Variants in SHISA9 observed in about 807,000 individuals in gnomAD.
SHISA9 encodes the protein protein shisa-9.
Under a neutral mutation model 38.0 loss-of-function variants are expected in SHISA9, and 13 were observed. That is an observed-to-expected ratio of 0.34 (90% CI 0.22 to 0.54). SHISA9 has a LOEUF of 0.54. Among genes scored for constraint, SHISA9 ranks in the 20% least tolerant of loss-of-function variants. The pLI, the probability that SHISA9 is intolerant of heterozygous loss-of-function variation, is 0.91. For missense variants in SHISA9, 538 were observed against 575.8 expected (o/e 0.93, Z 0.67); for synonymous variants, 275 against 242.0 (o/e 1.14, Z -1.27).
intron 2 of SHISA9, among the ~76,000 whole-genome samples, chr16:13,078,455 G>C (rs1235116525): frequency 6.6e-6 from 1 of 151,560 alleles, no homozygotes; most frequent in South Asian, 2.1e-4. Context: ...ACCCAGACTG[G>C]AGTGCAGTGG....
the SHISA9 span, among the ~76,000 whole-genome samples, chr16:13,533,576 T>C: frequency 6.7e-6 from 1 of 148,990 alleles, no homozygotes; most frequent in African/African-American, 2.5e-5. Context: ...CACCACCAAA[T>C]ACACAAGCCT....
chr16:13,185,435 C>G (rs2050812432), intron 2 of SHISA9, among the ~76,000 whole-genome samples: 1 of 152,054 alleles, frequency 6.6e-6, no homozygotes, highest in Admixed American at 6.5e-5. Context: ...AACTCTTGGC[C>G]TCAAGTGATC....
At chr16:13,427,742 A>G in the SHISA9 span, among the ~76,000 whole-genome samples, 3 of 152,178 alleles carry the variant, frequency 2.0e-5, no homozygotes, top group Non-Finnish European at 2.9e-5. Flanking sequence ...GTGGACTGGC[A>G]ACAGACAACA....
At chr16:13,241,267 C>A (rs112676823), downstream of SHISA9, among the ~76,000 whole-genome samples, 10 of 152,282 alleles carry the variant, frequency 6.6e-5, 1 homozygote, top group African/African-American at 1.9e-4. Flanking sequence ...GTAATTCCAG[C>A]ACTTTGGGAG....
chr16:13,107,023 T>C (rs1169966737), intron 2 of SHISA9, among the ~76,000 whole-genome samples: 1 of 151,934 alleles, frequency 6.6e-6, no homozygotes, highest in African/African-American at 2.4e-5. Flanking sequence ...TAGCTGAAGT[T>C]GGTTTTTGCT....
chr16:13,388,255 T>C, the SHISA9 span, among the ~76,000 whole-genome samples: 1 of 151,652 alleles, frequency 6.6e-6, no homozygotes, highest in African/African-American at 2.4e-5. Context: ...TTCATGCCTC[T>C]AGCAAACTCT....
chr16:13,077,655 G>A (rs1398519501), intron 2 of SHISA9, among the ~76,000 whole-genome samples: 2 of 152,136 alleles, frequency 1.3e-5, no homozygotes, highest in South Asian at 4.1e-4. Context: ...CTGCATCAAA[G>A]TCAAGTGTTG....
At chr16:12,903,619 GGCTGGGGGTT>G (rs2071052227) in intron 1 of SHISA9, among the ~76,000 whole-genome samples, 2 of 152,354 alleles carry the variant, frequency 1.3e-5, no homozygotes, top group South Asian at 4.1e-4. Flanking sequence ...CCGCGGGAGA[GGCTGGGGGTT>G]GGCGTGAGGT....
chr16:13,148,082 C>G (rs760085350), intron 2 of SHISA9, among the ~76,000 whole-genome samples: 7 of 152,144 alleles, frequency 4.6e-5, no homozygotes, highest in Non-Finnish European at 8.8e-5. Context: ...CTGCAACTGT[C>G]TTTCCTGGTG....
intron 4 of SHISA9, among the ~76,000 whole-genome samples, chr16:13,222,582 A>C (rs2051237704): frequency 6.6e-6 from 1 of 152,138 alleles, no homozygotes; most frequent in Non-Finnish European, 1.5e-5. Flanking sequence ...AAGGCTGGTA[A>C]ATCTAGTTCT....
the SHISA9 span, among the ~76,000 whole-genome samples, chr16:13,539,617 T>C: frequency 3.3e-5 from 5 of 152,150 alleles, no homozygotes; most frequent in African/African-American, 1.2e-4. Flanking sequence ...ACTTTTATTT[T>C]AGGTTCAGAG....
chr16:13,290,899 G>A, the SHISA9 span, among the ~76,000 whole-genome samples: 3 of 152,254 alleles, frequency 2.0e-5, no homozygotes, highest in East Asian at 1.9e-4. Context: ...TGACTGGGCC[G>A]GGACTAGAGC....
intron 2 of SHISA9, among the ~76,000 whole-genome samples, chr16:13,041,383 C>G (rs2073130151): frequency 6.6e-6 from 1 of 152,208 alleles, no homozygotes; most frequent in Non-Finnish European, 1.5e-5. Context: ...CCCTGACTGT[C>G]TGCTCTGCCA....
At chr16:13,338,378 T>C in the SHISA9 span, among the ~76,000 whole-genome samples, 2 of 152,192 alleles carry the variant, frequency 1.3e-5, no homozygotes, top group Non-Finnish European at 2.9e-5. Context: ...CTCAGCGTCA[T>C]TCATGAATAA....
intron 2 of SHISA9, among the ~76,000 whole-genome samples, chr16:13,139,816 C>T (rs2050383654): frequency 6.6e-6 from 1 of 152,098 alleles, no homozygotes; most frequent in South Asian, 2.1e-4. Context: ...CTCAGCAAGG[C>T]AGCTTTAAAA....
At chr16:12,964,639 T>C (rs1411781141) in intron 2 of SHISA9, among the ~76,000 whole-genome samples, 2 of 152,126 alleles carry the variant, frequency 1.3e-5, no homozygotes, top group Non-Finnish European at 2.9e-5. Flanking sequence ...AGACACACAA[T>C]CTGGCCCGAG....
At chr16:13,344,379 G>A in the SHISA9 span, among the ~76,000 whole-genome samples, 1 of 152,114 alleles carries the variant, frequency 6.6e-6, no homozygotes, top group Non-Finnish European at 1.5e-5. Flanking sequence ...CTACATACCA[G>A]GAATGGTTCC....
intron 2 of SHISA9, among the ~76,000 whole-genome samples, chr16:12,985,222 AAAATAAATAAATAAATAAGTAAATAAAT>A (rs2072291578): frequency 3.6e-5 from 5 of 139,952 alleles, no homozygotes; most frequent in East Asian, 4.1e-4. Flanking sequence ...CTGTCAACGA[AAAATAAATAAATAAATAAGTAAATAAAT>A]AAATAAATAA....
At chr16:13,242,599 G>T (rs1224084948), downstream of SHISA9, among the ~76,000 whole-genome samples, 1 of 152,224 alleles carries the variant, frequency 6.6e-6, no homozygotes, top group African/African-American at 2.4e-5. Flanking sequence ...GACTCCAGGA[G>T]ACTTGGCTGG....
Sources: allele counts gnomAD v4.1 joint callset (sites outside exome capture counted in the v4.1 genomes callset), GRCh38; gene constraint gnomAD v4.1.1; transcripts MANE v1.5; gene names NCBI Gene and HGNC (gene_info 2026-07-23, HGNC 2026-07-21).